The following KPNA3 variants were observed in gnomAD, a reference collection of about 807,000 sequenced individuals.
KPNA3 encodes karyopherin subunit alpha 3.
In KPNA3, 13 loss-of-function variants were observed where a neutral mutation model predicts 73.8. The observed-to-expected ratio is 0.18, with a 90% CI of 0.11 to 0.28. KPNA3 has a LOEUF of 0.28. Ranked by LOEUF, KPNA3 falls within the 10% of genes least tolerant of loss-of-function variation. The probability of loss-of-function intolerance (pLI) is 1.00; values close to 1 mark genes in which losing one functional copy is unlikely to be tolerated. For synonymous variants in KPNA3, 186 were observed against 206.9 expected, an observed-to-expected ratio of 0.90 and a Z score of 0.87; for missense variants, 360 against 618.1, an observed-to-expected ratio of 0.58 and a Z score of 4.43.
At chr13:49,753,637 C>T (rs905417973) in intron 1 of KPNA3, among the ~76,000 whole-genome samples, 3 of 152,208 alleles carry the variant, frequency 2.0e-5, no homozygotes, top group African/African-American at 7.2e-5. Context: ...CTGTTAGGAG[C>T]CAGGCTGCAC....
intron 1 of KPNA3, among the ~76,000 whole-genome samples, chr13:49,788,564 CA>C (rs1400731244): frequency 1.3e-5 from 2 of 151,890 alleles, no homozygotes; most frequent in African/African-American, 4.8e-5. Flanking sequence ...ACAAAAAACA[CA>C]AAAATTAGCC....
chr13:49,789,612 G>A (rs561659755), intron 1 of KPNA3, among the ~76,000 whole-genome samples: 11 of 152,330 alleles, frequency 7.2e-5, no homozygotes, highest in Middle Eastern at 3.4e-3. Flanking sequence ...TTTTGGAACA[G>A]CCTGATAACC....
intron 1 of KPNA3, among the ~76,000 whole-genome samples, chr13:49,786,284 C>T (rs1954981782): frequency 1.3e-5 from 2 of 152,136 alleles, no homozygotes; most frequent in African/African-American, 4.8e-5. Flanking sequence ...AAGTTACATC[C>T]AAGGTATCTA....
At chr13:49,777,480 G>A (rs886317185) in intron 1 of KPNA3, among the ~76,000 whole-genome samples, 1 of 152,008 alleles carries the variant, frequency 6.6e-6, no homozygotes, top group Non-Finnish European at 1.5e-5. Context: ...TTATATAAAT[G>A]CCACATAAAC....
intron 11 of KPNA3, among the ~76,000 whole-genome samples, chr13:49,710,038 G>A (rs1488047969): frequency 4.6e-5 from 7 of 152,124 alleles, no homozygotes; most frequent in African/African-American, 9.7e-5. Flanking sequence ...GAGGCGGGGG[G>A]GATCACCTGA....
In KPNA3 at chr13:49,713,674, C is replaced by CACACACACACAA. The variant is rs563909268; in HGVS notation, c.772-2653_772-2652insTTGTGTGTGTGT. Among the ~76,000 whole-genome samples the CACACACACACAA allele has an allele frequency of 9.3e-3, 1,325 of 141,914 alleles. 21 individuals are homozygous for CACACACACACAA. The highest frequency in any genetic ancestry group is 0.022 in the East Asian group (108 of 4,882). The allele number at this position is 141,914 out of a possible 152,430, so 93.1% of individuals were successfully genotyped here. A position where few individuals can be genotyped will look rare whatever the true frequency, so the allele number is the denominator to read the frequency against. Reference sequence around the variant, plus strand: ...ACACACACACACACACACACACACACAAAACAGAAAAACCCAACAACAAAA... The same window carrying CACACACACACAA: ...ACACACACACACACACACACACACACACACACACACAAAAAACAGAAAAACCCAACAACAAAA... On this transcript the variant is annotated intron_variant, in intron 10 of 16. Transcript: ENST00000261667.
intron 2 of KPNA3, among the ~76,000 whole-genome samples, chr13:49,744,556 T>C (rs1015186233): frequency 3.9e-5 from 6 of 152,240 alleles, no homozygotes; most frequent in Admixed American, 1.3e-4. Flanking sequence ...TTCCTAATTT[T>C]GGAGCTACTG....
intron 1 of KPNA3, among the ~76,000 whole-genome samples, chr13:49,764,849 C>CT (rs1421975643): frequency 6.6e-6 from 1 of 152,006 alleles, no homozygotes; most frequent in African/African-American, 2.4e-5. Flanking sequence ...TCTAGACTGT[C>CT]TTCACTTCTA....
chr13:49,722,636 TG>T lies in KPNA3; in HGVS notation c.470-74del, dbSNP rs1326368302. On this transcript the variant is annotated intron_variant, in intron 7 of 16. Transcript: ENST00000261667. ...TTTACAGATTTCAGATCAAAGAAAT[TG>T]ATCAAATACACAGCCTGGCATATTG... The T allele has an allele frequency of 3.3e-6, 3 of 898,786 alleles. No individual in the cohort carries two copies. In the African/African-American group the frequency reaches 5.1e-5, roughly 15 times the overall value. 55.7% of individuals were successfully genotyped at this position (898,786 alleles called of 1,614,324 possible). A position where few individuals can be genotyped will look rare whatever the true frequency, so the allele number is the denominator to read the frequency against.
intron 1 of KPNA3, among the ~76,000 whole-genome samples, chr13:49,791,489 A>G (rs577964531): frequency 6.6e-6 from 1 of 152,266 alleles, no homozygotes; most frequent in East Asian, 1.9e-4. Context: ...CAATGGCAAC[A>G]TGCTGAGTAG....
intron 2 of KPNA3, among the ~76,000 whole-genome samples, chr13:49,745,612 C>T (rs1216225713): frequency 6.6e-6 from 1 of 151,984 alleles, no homozygotes; most frequent in Non-Finnish European, 1.5e-5. Flanking sequence ...TCCACCTTGG[C>T]CTCCCAAAGT....
At chr13:49,741,539 C>T (rs887302285) in intron 2 of KPNA3, among the ~76,000 whole-genome samples, 2 of 151,418 alleles carry the variant, frequency 1.3e-5, no homozygotes, top group African/African-American at 2.4e-5. Flanking sequence ...CTGCAAACTC[C>T]GCCTCCCAGG....
In KPNA3 at chr13:49,746,991, T is replaced by C; in HGVS notation, c.72A>G (p.Thr24=). The change falls in exon 2 of 17, where the codon ACA becomes ACG. Residue 24 remains threonine, a splice_region_variant and synonymous_variant. Transcript: ENST00000261667. ...SFKNKGRDVE[T]MRRHRNEVTV... ...TCACTTCATTTCTATGTCTTCGCAT[T>C]GTCTAGAAAAGAAAAACAAAGATTA... 8.1e-6 allele frequency: 13 copies of C among 1,607,284 alleles called. No individual in the cohort carries two copies. Among genetic ancestry groups the C allele is most frequent in the Non-Finnish European group, 1.1e-5 (13 of 1,174,594 alleles).
Position 49,701,728 on chromosome 13 carries a change from GTTC to G in KPNA3, c.*69_*71del. 1 of 928,098 alleles carries G rather than the reference GTTC, an allele frequency of 1.1e-6. No individual in the cohort carries two copies. Among genetic ancestry groups the G allele is most frequent in the South Asian group, 1.3e-5 (1 of 76,568 alleles). 57.5% of individuals were successfully genotyped at this position (928,098 alleles called of 1,614,324 possible). On this transcript the variant is annotated 3_prime_UTR_variant, in exon 17 of 17. Transcript: ENST00000261667. Reference sequence around the variant, plus strand: ...TGTTTTGGAGCCTTTTGTTGCTGTTGTTCTTATCATTTGGTAGCCATCTGGTGG... The same window carrying G: ...TGTTTTGGAGCCTTTTGTTGCTGTTGTTATCATTTGGTAGCCATCTGGTGG...
intron 1 of KPNA3, among the ~76,000 whole-genome samples, chr13:49,785,447 A>C (rs1471725771): frequency 6.6e-6 from 1 of 152,234 alleles, no homozygotes; most frequent in African/African-American, 2.4e-5. Context: ...AAACAGAAAA[A>C]AGAAAAAACA....
chr13:49,785,185 A>T (rs1174446745), intron 1 of KPNA3, among the ~76,000 whole-genome samples: 1 of 152,212 alleles, frequency 6.6e-6, no homozygotes, highest in African/African-American at 2.4e-5. Flanking sequence ...ATAATCAGGC[A>T]TCAGGCTCAC....
chr13:49,722,218 CTA>C (rs886699975), intron 8 of KPNA3, 94 bp from the exon 9 acceptor site: 16 of 868,152 alleles, frequency 1.8e-5, no homozygotes, highest in African/African-American at 3.4e-5. Flanking sequence ...CACTGACGTT[CTA>C]TGTTTCCTCA....
chr13:49,716,936 T>C (rs1262156162), intron 10 of KPNA3, among the ~76,000 whole-genome samples: 1 of 152,156 alleles, frequency 6.6e-6, no homozygotes, highest in African/African-American at 2.4e-5. Flanking sequence ...TCTTTTGCTT[T>C]TGGAAAATAC....
rs1321875567 is a variant in KPNA3, at chr13:49,710,957, C to T, written c.837G>A (p.Met279Ile). ...LTDGGNEQIQ[M>I]VIDSGVVPFL... ...AGGGCACAACTCCTGAATCAATAACCATCTGTATCTGTTCATTACCTCCAT... is the reference window on the plus strand; with the variant it reads ...AGGGCACAACTCCTGAATCAATAACTATCTGTATCTGTTCATTACCTCCAT... Residue 279 changes from methionine (M) to isoleucine (I), a missense_variant, in exon 11 of 17, where the codon ATG (methionine) becomes ATA (isoleucine). Met to Ile is a conservative substitution (Grantham distance 10). This residue lies in a region of KPNA3 where 287 missense variants were observed against 549.1 expected (regional missense o/e 0.52). Coordinates refer to ENST00000261667, the MANE Select transcript of KPNA3 (RefSeq NM_002267.4). The T allele has an allele frequency of 6.2e-7, 1 of 1,613,560 alleles. No homozygotes were observed. Among genetic ancestry groups the T allele is most frequent in the Admixed American group, 1.7e-5 (1 of 59,986 alleles).
Sources: gnomAD v4.1 joint callset for allele counts (sites outside exome capture counted in the v4.1 genomes callset) on GRCh38, gnomAD v4.1.1 for gene constraint, gnomAD v4.1.1 regional missense constraint, MANE v1.5 for transcripts, NCBI Gene and HGNC (gene_info 2026-07-23, HGNC 2026-07-21) for gene names.